CCDC9: variants seen among roughly 807,000 people sequenced by gnomAD.
CCDC9 encodes coiled-coil domain-containing protein 9.
CCDC9 carries 52 observed loss-of-function variants against 65.6 expected under a neutral mutation model. The observed-to-expected ratio is 0.79, with a 90% CI of 0.63 to 1.00. The LOEUF is 1.00. Ranked by LOEUF, CCDC9 falls within the 50% of genes least tolerant of loss-of-function variation. CCDC9 has a pLI of 0.00. For synonymous variants in CCDC9, 332 were observed against 280.3 expected, an observed-to-expected ratio of 1.18 and a Z score of -1.84; for missense variants, 834 against 757.2, an observed-to-expected ratio of 1.10 and a Z score of -1.19.
At chr19:47,273,466 C>A (rs2059136552), downstream of CCDC9, 1 of 1,058,532 alleles carries the variant, frequency 9.4e-7, no homozygotes, top group Non-Finnish European at 1.2e-6. Flanking sequence ...GCTGACCGCG[C>A]CCGCCGGACC....
Position 47,258,615 on chromosome 19 carries a change from G to A in CCDC9, c.60G>A (p.Arg20=), listed in dbSNP as rs771536293. 6.2e-7 allele frequency: 1 copy of A among 1,614,170 alleles called. No individual in the cohort carries two copies. Among genetic ancestry groups the A allele is most frequent in the South Asian group, 1.1e-5 (1 of 91,080 alleles). ...KEEKDAELDK[R]IEALRRKNEA... is the part of the protein sequence containing the mutation. ...AGAAGGATGCTGAGTTGGACAAGAGGATCGAGGCTCTTCGGCGGAAGAATG... is the reference window on the plus strand; with the variant it reads ...AGAAGGATGCTGAGTTGGACAAGAGAATCGAGGCTCTTCGGCGGAAGAATG... The change falls in exon 3 of 12, where the codon AGG becomes AGA. Residue 20 remains arginine (R), a synonymous_variant. Transcript: ENST00000221922.
At chr19:47,263,979 A>G (rs1170040144) in intron 5 of CCDC9, among the ~76,000 whole-genome samples, 1 of 151,770 alleles carries the variant, frequency 6.6e-6, no homozygotes, top group Non-Finnish European at 1.5e-5. Context: ...CCTGGGTTCA[A>G]GTGATTCTCT....
In CCDC9 at chr19:47,264,892, C is replaced by G. The variant is rs770988713; in HGVS notation, c.666C>G (p.Asn222Lys). 1.4e-6 allele frequency: 2 copies of G among 1,472,820 alleles called. No individual in the cohort carries two copies. The highest frequency in any genetic ancestry group is 1.8e-6 in the Non-Finnish European group (2 of 1,114,222). The allele number at this position is 1,472,820 out of a possible 1,614,324, so 91.2% of individuals were successfully genotyped here. A position where few individuals can be genotyped will look rare whatever the true frequency, so the allele number is the denominator to read the frequency against. Residue 222 changes from asparagine (N) to lysine (K), a missense_variant, in exon 7 of 12, where the codon AAC becomes AAG. Coordinates refer to ENST00000221922, the MANE Select transcript of CCDC9 (RefSeq NM_015603.3). ...AGGAGAGCCGCCGGCACGGCCGCAA[C>G]TGGGGGGGCCCCGACTTCGAGCGGG... Reference protein sequence around the residue: ...RREESRRHGRNWGGPDFERVR... With the variant: ...RREESRRHGRKWGGPDFERVR...
At position 47,270,493 on chromosome 19, in the gene CCDC9, G is replaced by A. The variant is rs764138396; in HGVS notation, c.949+40G>A. The A allele has an allele frequency of 3.7e-6, 6 of 1,614,102 alleles. No homozygotes were observed. The African/African-American group carries it at 8.0e-5, about 22-fold the overall frequency. ...TTGGATGAGCTGAGGCTCGGTCTGGGAGTCAGGGGTGGTGTGTGCCACACC... is the reference window on the plus strand; with the variant it reads ...TTGGATGAGCTGAGGCTCGGTCTGGAAGTCAGGGGTGGTGTGTGCCACACC... On this transcript the variant is annotated intron_variant, in intron 9 of 11. Transcript: ENST00000221922.
At position 47,266,921 on chromosome 19, in the gene CCDC9, A is replaced by T. The variant is rs376713157; in HGVS notation, c.902+129A>T. Reference sequence around the variant, plus strand: ...TGACTGCCAAGTATCCTGAGATGCCATGGACCAGCTGCTGGAGCTCAGCGG... The same window carrying T: ...TGACTGCCAAGTATCCTGAGATGCCTTGGACCAGCTGCTGGAGCTCAGCGG... On this transcript the variant is annotated intron_variant, in intron 8 of 11. Coordinates refer to ENST00000221922, the MANE Select transcript of CCDC9 (RefSeq NM_015603.3). The T allele has an allele frequency of 7.2e-6, 8 of 1,114,440 alleles. No individual in the cohort carries two copies. The South Asian group carries it at 8.1e-5, about 11-fold the overall frequency. 69.0% of individuals were successfully genotyped at this position (1,114,440 alleles called of 1,614,324 possible). A position where few individuals can be genotyped will look rare whatever the true frequency, so the allele number is the denominator to read the frequency against.
At chr19:47,275,095 G>A (rs1466188327), downstream of CCDC9, 2 of 1,494,168 alleles carry the variant, frequency 1.3e-6, no homozygotes, top group Non-Finnish European at 1.8e-6. Context: ...GTACCCACGC[G>A]GTCTCCCGCG....
chr19:47,266,309 A>T (rs1910743018), intron 7 of CCDC9: 2 of 338,028 alleles, frequency 5.9e-6, no homozygotes, highest in South Asian at 1.8e-4. Flanking sequence ...AAGAGTTTGG[A>T]GGCAGAGCCC....
chr19:47,271,755 G>GCT lies in CCDC9; in HGVS notation c.*78_*79insTC. On this transcript the variant is annotated 3_prime_UTR_variant, in exon 12 of 12. Coordinates refer to ENST00000221922, the MANE Select transcript of CCDC9 (RefSeq NM_015603.3). The stretch of plus-strand genomic sequence containing the variant: ...TGTGCGCGCGCGCGCGCGCGCGCGC[G>GCT]CGCGCTAGAGGGGTGTGGCTGGTGG... 2 of 1,363,402 alleles carry GCT rather than the reference G, an allele frequency of 1.5e-6. No individual in the cohort carries two copies. The highest frequency in any genetic ancestry group is 1.9e-6 in the Non-Finnish European group (2 of 1,036,936). The allele number at this position is 1,363,402 out of a possible 1,614,324, so 84.5% of individuals were successfully genotyped here.
downstream of CCDC9, chr19:47,273,207 T>C: frequency 2.4e-6 from 1 of 410,290 alleles, no homozygotes; most frequent in East Asian, 3.6e-5. Flanking sequence ...AGAGGATTAG[T>C]CTGGGCCCCG....
chr19:47,266,911 C>T (rs1339846218), intron 8 of CCDC9, 119 bp downstream of exon 8: 5 of 1,216,328 alleles, frequency 4.1e-6, no homozygotes, highest in Admixed American at 5.1e-5. Context: ...GCCAAGTATC[C>T]TGAGATGCCA....
In CCDC9 at chr19:47,270,562, C is replaced by A; in HGVS notation, c.959C>A (p.Ala320Asp). The A allele has an allele frequency of 6.2e-7, 1 of 1,614,078 alleles. No individual in the cohort carries two copies. Among genetic ancestry groups the A allele is most frequent in the African/African-American group, 1.3e-5 (1 of 75,042 alleles). The change falls in exon 10 of 12, where the codon GCC becomes GAC. Residue 320 changes from alanine to aspartate, a missense_variant. Coordinates refer to ENST00000221922, the MANE Select transcript of CCDC9 (RefSeq NM_015603.3). ...HEPSHRYDDQ[A>D]WARPPKPPTF... Reference sequence around the variant, plus strand: ...CTGGGTTCTGTTGCAGATGACCAGGCCTGGGCCCGGCCCCCGAAGCCCCCT... The same window carrying A: ...CTGGGTTCTGTTGCAGATGACCAGGACTGGGCCCGGCCCCCGAAGCCCCCT...
intron 5 of CCDC9, among the ~76,000 whole-genome samples, chr19:47,262,035 T>A (rs977845074): frequency 1.6e-4 from 23 of 147,234 alleles, no homozygotes; most frequent in Admixed American, 4.1e-4. Context: ...AAAAAAAAAA[T>A]AATTAGACTT....
At chr19:47,265,013 C>T (rs2059071942) in intron 7 of CCDC9, 67 bp downstream of exon 7, 1 of 1,324,158 alleles carries the variant, frequency 7.6e-7, no homozygotes, top group Non-Finnish European at 9.8e-7. Context: ...TAGCAGGAAC[C>T]AGACAGATCA....
At chr19:47,265,867 T>C (rs2059078325) in intron 7 of CCDC9, among the ~76,000 whole-genome samples, 1 of 151,264 alleles carries the variant, frequency 6.6e-6, no homozygotes, top group African/African-American at 2.4e-5. Context: ...TTTGTACTTT[T>C]AGTAGAGATG....
chr19:47,269,684 C>T (rs1397935585), intron 8 of CCDC9, among the ~76,000 whole-genome samples: 1 of 152,008 alleles, frequency 6.6e-6, no homozygotes. Flanking sequence ...TTAGCAGAGC[C>T]CTGAAAGGAG....
chr19:47,273,397 C>A, downstream of CCDC9: 1 of 1,231,928 alleles, frequency 8.1e-7, no homozygotes, highest in Non-Finnish European at 1.0e-6. Flanking sequence ...AGATCACCGA[C>A]TTCCAGAGGG....
chr19:47,267,536 G>T (rs1346144763), intron 8 of CCDC9, among the ~76,000 whole-genome samples: 1 of 152,204 alleles, frequency 6.6e-6, no homozygotes, highest in East Asian at 1.9e-4. Context: ...CTGCGCCAGG[G>T]TGTTCATTCT....
Position 47,270,462 on chromosome 19 carries a change from G to C in CCDC9, c.949+9G>C. 1 of 1,614,194 alleles carries C rather than the reference G, an allele frequency of 6.2e-7. No homozygotes were observed. The highest frequency in any genetic ancestry group is 1.3e-5 in the African/African-American group (1 of 75,054). On this transcript the variant is annotated intron_variant, in intron 9 of 11. Coordinates refer to ENST00000221922, the MANE Select transcript of CCDC9 (RefSeq NM_015603.3). The stretch of plus-strand genomic sequence containing the variant: ...ACCATCCCACCGCTATGGTGAGTGG[G>C]TGCCCTTGGATGAGCTGAGGCTCGG...
At chr19:47,266,533 CAAGTGGA>C in intron 7 of CCDC9, 71 bp from the exon 8 acceptor site, 11 of 1,441,680 alleles carry the variant, frequency 7.6e-6, no homozygotes, top group Non-Finnish European at 1.0e-5. Context: ...TGATCCTGAG[CAAGTGGA>C]TGTGCCTCGG....
Sources: gnomAD v4.1 joint callset for allele counts (sites outside exome capture counted in the v4.1 genomes callset) on GRCh38, gnomAD v4.1.1 for gene constraint, MANE v1.5 for transcripts, NCBI Gene and HGNC (gene_info 2026-07-23, HGNC 2026-07-21) for gene names.